The following EHBP1 variants were observed in gnomAD, a reference collection of about 807,000 sequenced individuals.
The protein encoded by EHBP1 is EH domain-binding protein 1.
EHBP1 carries 55 observed loss-of-function variants against 144.0 expected under a neutral mutation model. That is an observed-to-expected ratio of 0.38 (90% CI 0.31 to 0.48). EHBP1 has a LOEUF of 0.48. Among genes scored for constraint, EHBP1 ranks in the 20% least tolerant of loss-of-function variants. The pLI is 0.98. For synonymous variants in EHBP1, 469 were observed against 472.7 expected, an observed-to-expected ratio of 0.99 and a Z score of 0.10; for missense variants, 1,200 against 1,364.2, an observed-to-expected ratio of 0.88 and a Z score of 1.90.
Position 62,806,893 on chromosome 2 carries a change from A to G in EHBP1, c.313-19194A>G, listed in dbSNP as rs137925636. ...TTTTCTCTCTCTAGTCTCTTACATC[A>G]TTGCTGCTATTCTTTTTACTTATAT... is the stretch of plus-strand genomic sequence containing the variant. On this transcript the variant is annotated intron_variant, in intron 5 of 22. Coordinates refer to ENST00000431489, the MANE Select transcript of EHBP1 (RefSeq NM_001142616.3). Among the ~76,000 whole-genome samples, 472 of 152,050 alleles carry G rather than the reference A, an allele frequency of 3.1e-3. 2 individuals carry two copies. Among genetic ancestry groups the G allele is most frequent in the African/African-American group, 0.011 (447 of 41,468 alleles).
chr2:62,895,520 A>G (rs1012474360), intron 10 of EHBP1, among the ~76,000 whole-genome samples: 24 of 152,174 alleles, frequency 1.6e-4, no homozygotes, highest in African/African-American at 5.8e-4. Flanking sequence ...TCTTGGGTCC[A>G]CAGTTGTAAA....
chr2:62,731,894 G>C (rs533090495), intron 2 of EHBP1, among the ~76,000 whole-genome samples: 1 of 152,168 alleles, frequency 6.6e-6, no homozygotes, highest in African/African-American at 2.4e-5. Context: ...GTTGTCATAA[G>C]GGAAGTCTAT....
rs2043259499 is a variant in EHBP1, at chr2:62,792,901, AG to A, written c.312+21511del. 7.9e-5 allele frequency among the ~76,000 whole-genome samples: 12 copies of A among 152,072 alleles called. No homozygotes were observed. In the South Asian group the frequency reaches 2.3e-3, roughly 29 times the overall value. ...GGAATAGTATGCAAATAAAATTGAT[AG>A]GTTTTTTTTTTGTTCTTTAGACTTA... On this transcript the variant is annotated intron_variant, in intron 5 of 22. Coordinates refer to ENST00000431489, the MANE Select transcript of EHBP1 (RefSeq NM_001142616.3).
At chr2:63,012,228 TC>T (rs1169413126) in intron 19 of EHBP1, among the ~76,000 whole-genome samples, 1 of 152,026 alleles carries the variant, frequency 6.6e-6, no homozygotes, top group African/African-American at 2.4e-5. Context: ...TCTAGTGGTT[TC>T]CTGTCATACA....
At chr2:62,935,576 C>A (rs1044187980) in intron 10 of EHBP1, among the ~76,000 whole-genome samples, 2 of 151,910 alleles carry the variant, frequency 1.3e-5, no homozygotes, top group Admixed American at 6.6e-5. Flanking sequence ...TTGCTAAATT[C>A]TCTTATTAAT....
Position 62,728,766 on chromosome 2 carries a change from A to G in EHBP1, c.105-18629A>G, listed in dbSNP as rs1381780625. Among the ~76,000 whole-genome samples, 7 of 152,068 alleles carry G rather than the reference A, an allele frequency of 4.6e-5. No individual in the cohort carries two copies. The East Asian group carries it at 1.2e-3, about 25-fold the overall frequency. ...TAGTGTGTCTATTAATACATTAATA[A>G]TATGTCTATTTTTTATTTTGTTACT... On this transcript the variant is annotated intron_variant, in intron 2 of 22. Transcript: ENST00000431489.
At chr2:62,909,514 A>G (rs1012309329) in intron 10 of EHBP1, among the ~76,000 whole-genome samples, 4 of 152,152 alleles carry the variant, frequency 2.6e-5, no homozygotes, top group Admixed American at 6.5e-5. Context: ...CTGTGTCAGA[A>G]TATGCTGAAA....
At chr2:62,923,440 C>T (rs1224630993) in intron 10 of EHBP1, among the ~76,000 whole-genome samples, 1 of 152,156 alleles carries the variant, frequency 6.6e-6, no homozygotes, top group Non-Finnish European at 1.5e-5. Context: ...AGAAATAACA[C>T]TGAGGTGCCC....
In EHBP1 at chr2:62,874,536, G is replaced by A. The variant is rs2050733490; in HGVS notation, c.1185+4G>A. Reference sequence around the variant, plus strand: ...AGATCTCTCTACTTCTCCTAAGGTAGGATTTTATTCATAGTAAAACATGTA... The same window carrying A: ...AGATCTCTCTACTTCTCCTAAGGTAAGATTTTATTCATAGTAAAACATGTA... On this transcript the variant is annotated splice_donor_region_variant and intron_variant, in intron 10 of 22. Coordinates refer to ENST00000431489, the MANE Select transcript of EHBP1 (RefSeq NM_001142616.3). 1.3e-6 allele frequency: 2 copies of A among 1,579,368 alleles called. No individual in the cohort carries two copies. The highest frequency in any genetic ancestry group is 1.7e-4 in the Middle Eastern group (1 of 5,914).
In EHBP1 at chr2:62,781,817, A is replaced by G. The variant is rs528787232; in HGVS notation, c.312+10425A>G. Reference sequence around the variant, plus strand: ...AGGCCAGTGTGATGTTAACTTTAAGATCTTGCTTCACCTGCCTCTTAAAAT... The same window carrying G: ...AGGCCAGTGTGATGTTAACTTTAAGGTCTTGCTTCACCTGCCTCTTAAAAT... On this transcript the variant is annotated intron_variant, in intron 5 of 22. Transcript: ENST00000431489. Among the ~76,000 whole-genome samples, 376 of 152,300 alleles carry G rather than the reference A, an allele frequency of 2.5e-3. 1 individual carries two copies. Among genetic ancestry groups the G allele is most frequent in the African/African-American group, 8.5e-3 (353 of 41,562 alleles).
At chr2:62,774,935 G>A (rs573807190) in intron 5 of EHBP1, among the ~76,000 whole-genome samples, 4 of 152,026 alleles carry the variant, frequency 2.6e-5, no homozygotes, top group Non-Finnish European at 5.9e-5. Context: ...TGAGAGAGAG[G>A]ATAAAAATTA....
chr2:62,827,688 G>A (rs1056110741), intron 6 of EHBP1, among the ~76,000 whole-genome samples: 69 of 149,652 alleles, frequency 4.6e-4, no homozygotes, highest in African/African-American at 1.6e-3. Context: ...TTTTTTTTGA[G>A]ACAGAGTCTC....
chr2:62,682,541 C>T (rs1003322143), intron 1 of EHBP1, among the ~76,000 whole-genome samples: 4 of 152,118 alleles, frequency 2.6e-5, no homozygotes, highest in Non-Finnish European at 2.9e-5. Context: ...CTATACTCAG[C>T]CTGGAATGAG....
intron 2 of EHBP1, among the ~76,000 whole-genome samples, chr2:62,714,530 T>C (rs999585763): frequency 4.6e-5 from 7 of 152,220 alleles, no homozygotes; most frequent in Admixed American, 2.0e-4. Context: ...CTCTTGGTAC[T>C]TCTTCAGTAG....
intron 3 of EHBP1, among the ~76,000 whole-genome samples, chr2:62,757,426 C>CTTTTTTTTTT (rs555494268): frequency 6.1e-4 from 69 of 113,034 alleles, no homozygotes; most frequent in East Asian, 1.5e-3. Context: ...TTTTTTTTTT[C>CTTTTTTTTTT]TTTTTTTTTT....
At chr2:62,751,832 C>A (rs186190306) in intron 3 of EHBP1, among the ~76,000 whole-genome samples, 2 of 152,060 alleles carry the variant, frequency 1.3e-5, no homozygotes, top group East Asian at 1.9e-4. Context: ...GTGGTGATAT[C>A]CCCTTTATCA....
chr2:63,012,142 C>T (rs1264593183), intron 19 of EHBP1, among the ~76,000 whole-genome samples: 1 of 151,758 alleles, frequency 6.6e-6, no homozygotes, highest in African/African-American at 2.4e-5. Context: ...ATAAAAGTTG[C>T]ATCATTTTAA....
intron 3 of EHBP1, among the ~76,000 whole-genome samples, chr2:62,751,316 G>T (rs1334364612): frequency 6.6e-6 from 1 of 152,184 alleles, no homozygotes; most frequent in Non-Finnish European, 1.5e-5. Flanking sequence ...AAACAGCCTT[G>T]CATTCCAGGG....
chr2:62,751,690 G>C (rs939616306), intron 3 of EHBP1, among the ~76,000 whole-genome samples: 1 of 152,064 alleles, frequency 6.6e-6, no homozygotes, highest in Admixed American at 6.6e-5. Flanking sequence ...CAGAGATTCA[G>C]CTTCTTCCTG....
Sources: allele counts gnomAD v4.1 joint callset (sites outside exome capture counted in the v4.1 genomes callset), GRCh38; gene constraint gnomAD v4.1.1; transcripts MANE v1.5; gene names NCBI Gene and HGNC (gene_info 2026-07-23, HGNC 2026-07-21).